The following DGKZ variants were observed in gnomAD, a reference collection of about 807,000 sequenced individuals.
The protein encoded by DGKZ is diacylglycerol kinase zeta, also known as DAG kinase zeta.
DGKZ carries 45 observed loss-of-function variants against 142.5 expected under a neutral mutation model. The observed-to-expected ratio is 0.32, with a 90% CI of 0.25 to 0.40. The LOEUF (loss-of-function observed/expected upper bound fraction) is 0.40, where lower values mean the gene tolerates loss of function less well. Ranked by LOEUF, DGKZ falls within the 10% of genes least tolerant of loss-of-function variation. DGKZ has a pLI of 1.00. For missense variants in DGKZ, 755 were observed against 1,306.5 expected, an observed-to-expected ratio of 0.58 and a Z score of 6.51; for synonymous variants, 442 against 527.0, an observed-to-expected ratio of 0.84 and a Z score of 2.21.
In DGKZ at chr11:46,372,573, A is replaced by G. The variant is rs374213763; in HGVS notation, c.1011-44A>G. ...GGAACTTGCCTCACTCCTGGGGTAC[A>G]GCACACATCCCCTGACCCCACTGCC... On this transcript the variant is annotated intron_variant, in intron 11 of 30. Transcript: ENST00000527911. This position sits in a 1 kb window ranked among gnomAD's most constrained non-coding sequence, Gnocchi z 5.9. 2 of 1,613,810 alleles carry G rather than the reference A, an allele frequency of 1.2e-6. No individual in the cohort carries two copies. Among genetic ancestry groups the G allele is most frequent in the Non-Finnish European group, 1.7e-6 (2 of 1,179,942 alleles).
At chr11:46,343,123 C>CAA (rs367778977), upstream of DGKZ, among the ~76,000 whole-genome samples, 31 of 137,394 alleles carry the variant, frequency 2.3e-4, no homozygotes, top group Admixed American at 2.2e-3. Context: ...GGCTCAGTCT[C>CAA]AAAAAAAAAC....
chr11:46,378,679 C>T (rs780107638), intron 27 of DGKZ, 179 bp downstream of exon 27: 2 of 929,800 alleles, frequency 2.2e-6, no homozygotes, highest in South Asian at 2.8e-5. Flanking sequence ...GTCTAGGCCA[C>T]AATAGATGGC....
chr11:46,377,063 C>G lies in DGKZ; in HGVS notation c.2203-10C>G, dbSNP rs774863817. 2.5e-6 allele frequency: 4 copies of G among 1,611,836 alleles called. No individual in the cohort carries two copies. The South Asian group carries it at 4.4e-5, about 18-fold the overall frequency. ...GTGCCCTGACCTCCCGCCCTGACCT[C>G]CCCCCACAGGAGCACCTCAACTATG... On this transcript the variant is annotated splice_polypyrimidine_tract_variant and intron_variant, in intron 24 of 30. Transcript: ENST00000527911.
At chr11:46,379,447 C>G (rs771614942) in intron 29 of DGKZ, 22 bp from the exon 30 acceptor site, 1 of 1,601,488 alleles carries the variant, frequency 6.2e-7, no homozygotes, top group Admixed American at 1.7e-5. Context: ...ATGGGGTACA[C>G]AGCCAGCCCC....
chr11:46,366,045 G>GTT, intron 1 of DGKZ: 1 of 985,366 alleles, frequency 1.0e-6, no homozygotes, highest in Non-Finnish European at 1.2e-6. Flanking sequence ...GCACCCCTGG[G>GTT]ATCCTCACAT....
Position 46,367,586 on chromosome 11 carries a change from G to A in DGKZ, c.271-66G>A, listed in dbSNP as rs1590556418. ...GTTTGTCTTGGGAGAGGGCGGGTGG[G>A]CGGGGGCTGATGGGAGGGAGGGCTG... On this transcript the variant is annotated intron_variant, in intron 2 of 30. Coordinates refer to ENST00000527911, the Ensembl canonical transcript of DGKZ. This position sits in a 1 kb window ranked among gnomAD's most constrained non-coding sequence, Gnocchi z 4.1. 2 of 882,152 alleles carry A rather than the reference G, an allele frequency of 2.3e-6. No individual in the cohort carries two copies. Among genetic ancestry groups the A allele is most frequent in the South Asian group, 1.6e-5 (1 of 63,546 alleles). 54.6% of individuals were successfully genotyped at this position (882,152 alleles called of 1,614,324 possible).
chr11:46,334,712 A>C (rs1939927523), intron 1 of DGKZ, among the ~76,000 whole-genome samples: 2 of 152,184 alleles, frequency 1.3e-5, no homozygotes, highest in South Asian at 2.1e-4. Context: ...ACCGGGCTCC[A>C]TTACCAAGTT....
chr11:46,345,222 C>A, upstream of DGKZ: 5 of 1,333,706 alleles, frequency 3.7e-6, no homozygotes, highest in Non-Finnish European at 4.8e-6. This position sits in a 1 kb window ranked among gnomAD's most constrained non-coding sequence, Gnocchi z 4.1. Flanking sequence ...CTGGTCTGGG[C>A]TTGTCCCCAC....
intron 7 of DGKZ, 48 bp from the exon 8 acceptor site, chr11:46,371,439 C>T (rs1943933331): frequency 6.2e-7 from 1 of 1,608,622 alleles, no homozygotes; most frequent in Non-Finnish European, 8.5e-7. Flanking sequence ...GTTTGGGTCC[C>T]CGAGTCTGAA....
upstream of DGKZ, among the ~76,000 whole-genome samples, chr11:46,346,407 G>T (rs1299232596): frequency 6.6e-6 from 1 of 152,164 alleles, no homozygotes; most frequent in Non-Finnish European, 1.5e-5. Context: ...CCCTGCGGGG[G>T]CCATCAGAAA....
chr11:46,354,015 C>A (rs909917890), intron 1 of DGKZ, among the ~76,000 whole-genome samples: 69 of 152,182 alleles, frequency 4.5e-4, no homozygotes, highest in Non-Finnish European at 7.3e-5. Flanking sequence ...GGTTCTTGCT[C>A]CCCAACCCAC....
intron 1 of DGKZ, chr11:46,365,772 G>C: frequency 1.0e-6 from 1 of 985,412 alleles, no homozygotes; most frequent in Non-Finnish European, 1.2e-6. Context: ...CAAAACAAAG[G>C]CCCAGCAAGT....
At chr11:46,345,379 TG>T, upstream of DGKZ, 1 of 1,400,854 alleles carries the variant, frequency 7.1e-7, no homozygotes, top group Non-Finnish European at 9.2e-7. The surrounding 1 kb of genome is among the most constrained non-coding windows in gnomAD (Gnocchi z 4.1). Flanking sequence ...CGTCAGGAAG[TG>T]CCGAAAGAGG....
At chr11:46,373,288 T>TG (rs201376190) in intron 14 of DGKZ, among the ~76,000 whole-genome samples, 187 bp downstream of exon 14, 32 of 139,200 alleles carry the variant, frequency 2.3e-4, no homozygotes, top group Middle Eastern at 3.3e-3. Flanking sequence ...TTTTTTTGTT[T>TG]TTTTTTTTTT....
chr11:46,345,155 A>C, upstream of DGKZ: 1 of 785,334 alleles, frequency 1.3e-6, no homozygotes, highest in Non-Finnish European at 1.8e-6. The surrounding 1 kb of genome is among the most constrained non-coding windows in gnomAD (Gnocchi z 4.1). Context: ...GGAAAACCAG[A>C]CAGGAGCCCA....
chr11:46,338,990 A>T (rs1940149698), intron 1 of DGKZ: 1 of 152,268 alleles, frequency 6.6e-6, no homozygotes, highest in African/African-American at 2.4e-5. Flanking sequence ...CGAGCCACAG[A>T]TGGTGGTGGG....
At chr11:46,349,006 CT>C (rs1941030834) in intron 1 of DGKZ, among the ~76,000 whole-genome samples, 1 of 152,202 alleles carries the variant, frequency 6.6e-6, no homozygotes, top group African/African-American at 2.4e-5. Flanking sequence ...CCTGGGTAGA[CT>C]TTACCCACCA....
intron 1 of DGKZ, among the ~76,000 whole-genome samples, chr11:46,358,193 T>C (rs1161060951): frequency 6.6e-6 from 1 of 152,158 alleles, no homozygotes; most frequent in African/African-American, 2.4e-5. Flanking sequence ...AACGCGAATC[T>C]AGGCAGGGGC....
upstream of DGKZ, chr11:46,347,422 C>G: frequency 1.0e-6 from 1 of 982,980 alleles, no homozygotes; most frequent in Non-Finnish European, 1.2e-6. This position sits in a 1 kb window ranked among gnomAD's most constrained non-coding sequence, Gnocchi z 6.4. Flanking sequence ...GGGCAGGCAG[C>G]GGCCCGGCCA....
Sources: allele counts gnomAD v4.1 joint callset (sites outside exome capture counted in the v4.1 genomes callset), GRCh38; gene constraint gnomAD v4.1.1; non-coding constraint Gnocchi (gnomAD v3.1); transcripts MANE v1.5; gene names NCBI Gene and HGNC (gene_info 2026-07-23, HGNC 2026-07-21).